Variants in DDAH1 observed in about 807,000 individuals in gnomAD.
DDAH1 encodes the protein dimethylarginine dimethylaminohydrolase 1, also known as N(G),N(G)-dimethylarginine dimethylaminohydrolase 1.
DDAH1 carries 19 observed loss-of-function variants against 28.8 expected under a neutral mutation model. That is an observed-to-expected ratio of 0.66 (90% CI 0.46 to 0.97). The LOEUF (loss-of-function observed/expected upper bound fraction) is 0.97, where lower values mean the gene tolerates loss of function less well. Ranked by LOEUF, DDAH1 falls within the 50% of genes least tolerant of loss-of-function variation. The pLI is 0.00. For synonymous variants in DDAH1, 153 were observed against 154.4 expected (o/e 0.99, Z 0.07); for missense variants, 326 against 375.9 (o/e 0.87, Z 1.10).
chr1:85,430,751 G>C (rs898391263), intron 1 of DDAH1, among the ~76,000 whole-genome samples: 31 of 152,254 alleles, frequency 2.0e-4, no homozygotes, highest in African/African-American at 6.0e-4. Context: ...TGTATCCTGA[G>C]ACTTTGCTGA....
intron 1 of DDAH1, among the ~76,000 whole-genome samples, chr1:85,422,833 TCTCC>T (rs563866004): frequency 1.3e-5 from 2 of 152,200 alleles, no homozygotes; most frequent in South Asian, 4.1e-4. Flanking sequence ...GCTTGCTTGT[TCTCC>T]CTGTCTATGT....
intron 2 of DDAH1, among the ~76,000 whole-genome samples, chr1:85,478,048 TAAAGA>T (rs1213336432): frequency 6.6e-6 from 1 of 152,146 alleles, no homozygotes; most frequent in African/African-American, 2.4e-5. Context: ...GAAAAGCCTT[TAAAGA>T]AAGTATTTTT....
At chr1:85,474,530 T>C (rs1447380887) in intron 2 of DDAH1, among the ~76,000 whole-genome samples, 1 of 152,184 alleles carries the variant, frequency 6.6e-6, no homozygotes, top group African/African-American at 2.4e-5. Flanking sequence ...CTAATCCTCT[T>C]TAGACTCGTT....
chr1:85,449,181 G>C (rs998901324), intron 1 of DDAH1, among the ~76,000 whole-genome samples: 1 of 152,176 alleles, frequency 6.6e-6, no homozygotes, highest in South Asian at 2.1e-4. Flanking sequence ...TGGCATCAGG[G>C]GCCCCCACAG....
chr1:85,363,134 T>G (rs1649879467), intron 1 of DDAH1, among the ~76,000 whole-genome samples: 1 of 152,254 alleles, frequency 6.6e-6, no homozygotes, highest in Admixed American at 6.5e-5. Context: ...CTGTTTATTT[T>G]CAGTAATGCC....
chr1:85,520,738 C>A (rs1657655191), intron 1 of DDAH1, among the ~76,000 whole-genome samples: 1 of 152,056 alleles, frequency 6.6e-6, no homozygotes, highest in Non-Finnish European at 1.5e-5. Flanking sequence ...ACGCAGGGGA[C>A]AATAGGAGTT....
intron 1 of DDAH1, among the ~76,000 whole-genome samples, chr1:85,416,231 T>C (rs1652879974): frequency 6.6e-6 from 1 of 152,050 alleles, no homozygotes; most frequent in African/African-American, 2.4e-5. Flanking sequence ...TTTCCTTCTA[T>C]ATATAGTATT....
In DDAH1 at chr1:85,372,539, T is replaced by A. The variant is rs76446818; in HGVS notation, c.304-13692A>T. Reference sequence around the variant, plus strand: ...GAGTTTTGCCTTTCCTAAATTACTTTAAAAAATATGGTAAGCCATATTTTT... The same window carrying A: ...GAGTTTTGCCTTTCCTAAATTACTTAAAAAAATATGGTAAGCCATATTTTT... On this transcript the variant is annotated intron_variant, in intron 1 of 5. Coordinates refer to ENST00000284031, the MANE Select transcript of DDAH1 (RefSeq NM_012137.4). 7.9e-5 allele frequency among the ~76,000 whole-genome samples: 12 copies of A among 152,244 alleles called. No individual in the cohort carries two copies. In the East Asian group the frequency reaches 2.3e-3, roughly 29 times the overall value.
chr1:85,561,010 A>G (rs1049643740), intron 1 of DDAH1, among the ~76,000 whole-genome samples: 2 of 152,076 alleles, frequency 1.3e-5, no homozygotes, highest in African/African-American at 4.8e-5. Context: ...ATCATTAAAT[A>G]TTTGTTTACT....
chr1:85,518,319 T>C (rs1657546065), intron 1 of DDAH1, among the ~76,000 whole-genome samples: 1 of 152,196 alleles, frequency 6.6e-6, no homozygotes, highest in Non-Finnish European at 1.5e-5. Context: ...AGAAGTCTGG[T>C]ATGAACTAAA....
intron 2 of DDAH1, among the ~76,000 whole-genome samples, chr1:85,476,638 A>G (rs946209584): frequency 1.3e-5 from 2 of 152,076 alleles, no homozygotes; most frequent in Non-Finnish European, 2.9e-5. Flanking sequence ...TTTAGGGGCT[A>G]TGCACATAGC....
chr1:85,436,783 G>A (rs1653963032), intron 1 of DDAH1, among the ~76,000 whole-genome samples: 1 of 152,138 alleles, frequency 6.6e-6, no homozygotes, highest in Non-Finnish European at 1.5e-5. Flanking sequence ...AGGGAGGTGA[G>A]GGTCACAGTT....
At chr1:85,514,870 T>C (rs1156652688) in intron 1 of DDAH1, among the ~76,000 whole-genome samples, 1 of 151,968 alleles carries the variant, frequency 6.6e-6, no homozygotes, top group African/African-American at 2.4e-5. Flanking sequence ...ACACCTAGAA[T>C]CAGCTATTTC....
intron 2 of DDAH1, among the ~76,000 whole-genome samples, chr1:85,480,115 T>C (rs956452438): frequency 6.6e-6 from 1 of 152,144 alleles, no homozygotes; most frequent in Non-Finnish European, 1.5e-5. Context: ...AACACTTCTG[T>C]CAGTAGGTAA....
intron 4 of DDAH1, among the ~76,000 whole-genome samples, chr1:85,327,718 TA>T (rs1224686520): frequency 6.6e-6 from 1 of 152,006 alleles, no homozygotes; most frequent in Non-Finnish European, 1.5e-5. Flanking sequence ...CCCTCAGCAG[TA>T]AAATGGGATG....
At chr1:85,431,052 T>C (rs1218223695) in intron 1 of DDAH1, among the ~76,000 whole-genome samples, 1 of 152,164 alleles carries the variant, frequency 6.6e-6, no homozygotes, top group Non-Finnish European at 1.5e-5. Flanking sequence ...TCTTATTATT[T>C]TGAGGTATGT....
At chr1:85,342,878 G>C (rs2100825293) in intron 4 of DDAH1, among the ~76,000 whole-genome samples, 1 of 152,312 alleles carries the variant, frequency 6.6e-6, no homozygotes, top group Non-Finnish European at 1.5e-5. Flanking sequence ...TCCAGACCCA[G>C]AATATCAGAA....
chr1:85,351,386 C>T lies in DDAH1; in HGVS notation c.477+120G>A, dbSNP rs558585230. 1.1e-4 allele frequency: 84 copies of T among 777,574 alleles called. 1 individual carries two copies. Among genetic ancestry groups the T allele is most frequent in the South Asian group, 7.3e-4 (41 of 56,160 alleles). 48.2% of individuals were successfully genotyped at this position (777,574 alleles called of 1,614,324 possible). A position where few individuals can be genotyped will look rare whatever the true frequency, so the allele number is the denominator to read the frequency against. On this transcript the variant is annotated intron_variant, in intron 3 of 5. Coordinates refer to ENST00000284031, the MANE Select transcript of DDAH1 (RefSeq NM_012137.4). ...ACTTCTAGTAAATGTACAAACATTA[C>T]GAATTATTGTACAAAGCCAGTGAAG... is the stretch of plus-strand genomic sequence containing the variant.
At chr1:85,328,180 C>T (rs12029474) in intron 4 of DDAH1, among the ~76,000 whole-genome samples, 2,614 of 152,302 alleles carry the variant, frequency 0.017, 68 homozygotes, top group East Asian at 0.12. Flanking sequence ...GTGGTCCTAA[C>T]TCAAATGACT....
Sources: gnomAD v4.1 joint callset for allele counts (sites outside exome capture counted in the v4.1 genomes callset) on GRCh38, gnomAD v4.1.1 for gene constraint, MANE v1.5 for transcripts, NCBI Gene and HGNC (gene_info 2026-07-23, HGNC 2026-07-21) for gene names.